Variants in DBT observed in about 807,000 individuals in gnomAD.
DBT encodes the protein dihydrolipoamide branched chain transacylase E2.
A neutral mutation model predicts 51.3 loss-of-function variants in DBT; 40 were observed. That is an observed-to-expected ratio of 0.78 (90% CI 0.61 to 1.02). The LOEUF (loss-of-function observed/expected upper bound fraction) is 1.02, where lower values mean the gene tolerates loss of function less well. Among genes scored for constraint, DBT ranks in the 50% least tolerant of loss-of-function variants. The probability of loss-of-function intolerance (pLI) is 0.00; values close to 1 mark genes in which losing one functional copy is unlikely to be tolerated. For synonymous variants in DBT, 181 were observed against 190.4 expected, an observed-to-expected ratio of 0.95 and a Z score of 0.41; for missense variants, 510 against 580.2, an observed-to-expected ratio of 0.88 and a Z score of 1.24.
intron 4 of DBT, among the ~76,000 whole-genome samples, chr1:100,221,646 A>G (rs1293649371): frequency 6.6e-6 from 1 of 152,168 alleles, no homozygotes; most frequent in Non-Finnish European, 1.5e-5. Context: ...GCCTTTGATG[A>G]TTGATCTTCA....
intron 3 of DBT, among the ~76,000 whole-genome samples, chr1:100,231,789 CA>C (rs1663567876): frequency 6.6e-6 from 1 of 152,052 alleles, no homozygotes; most frequent in East Asian, 1.9e-4. Context: ...TTTTGGAAAT[CA>C]AAAAAAGGCT....
chr1:100,246,346 G>A (rs951531829), intron 1 of DBT, among the ~76,000 whole-genome samples: 2 of 152,190 alleles, frequency 1.3e-5, no homozygotes, highest in East Asian at 1.9e-4. Flanking sequence ...CCAAAGTAGC[G>A]TATTAAGGAA....
intron 9 of DBT, 66 bp downstream of exon 9, chr1:100,206,378 AT>A: frequency 6.4e-7 from 1 of 1,559,648 alleles, no homozygotes; most frequent in Non-Finnish European, 8.8e-7. Context: ...TGACTTTTCT[AT>A]TTTTAATTAA....
In DBT at chr1:100,249,104, G is replaced by A. The variant is rs562212602; in HGVS notation, c.51+666C>T. 19 of 988,416 alleles carry A rather than the reference G, an allele frequency of 1.9e-5. No individual in the cohort carries two copies. In the South Asian group the frequency reaches 7.8e-4, roughly 41 times the overall value. 61.2% of individuals were successfully genotyped at this position (988,416 alleles called of 1,614,324 possible). A position where few individuals can be genotyped will look rare whatever the true frequency, so the allele number is the denominator to read the frequency against. On this transcript the variant is annotated intron_variant, in intron 1 of 10. Coordinates refer to ENST00000370132, the MANE Select transcript of DBT (RefSeq NM_001918.5). ...GGAGCATCTAGGGAAAGGGAGAAGA[G>A]GCAGGAAGAAGAAACACTAAGCAAA...
intron 10 of DBT, among the ~76,000 whole-genome samples, chr1:100,202,662 C>T (rs1211311705): frequency 2.0e-5 from 3 of 152,018 alleles, no homozygotes; most frequent in African/African-American, 7.3e-5. Context: ...ATTCTAAAAT[C>T]GTACACACAA....
chr1:100,216,617 C>G (rs534485934), intron 5 of DBT, among the ~76,000 whole-genome samples: 3 of 152,242 alleles, frequency 2.0e-5, no homozygotes, highest in South Asian at 4.1e-4. Flanking sequence ...TTTAAAATCT[C>G]TTGCATAATT....
At chr1:100,218,582 A>G in intron 5 of DBT, 44 bp downstream of exon 5, 1 of 1,609,680 alleles carries the variant, frequency 6.2e-7, no homozygotes, top group South Asian at 1.1e-5. Flanking sequence ...ATACAAATGT[A>G]CACTTCCTAT....
At chr1:100,203,973 T>C (rs1045304089) in intron 10 of DBT, among the ~76,000 whole-genome samples, 2 of 152,210 alleles carry the variant, frequency 1.3e-5, no homozygotes, top group African/African-American at 4.8e-5. Context: ...GAGCTATTTA[T>C]GATAAACCCA....
At chr1:100,248,105 A>G (rs1664653485) in intron 1 of DBT, among the ~76,000 whole-genome samples, 1 of 151,426 alleles carries the variant, frequency 6.6e-6, no homozygotes, top group South Asian at 2.1e-4. Context: ...CCATTTCAAA[A>G]AAAAAAAAAA....
At chr1:100,215,234 T>C (rs1662411616) in intron 6 of DBT, among the ~76,000 whole-genome samples, 1 of 152,208 alleles carries the variant, frequency 6.6e-6, no homozygotes, top group South Asian at 2.1e-4. Context: ...AATGCTGTGT[T>C]ATATAAAAAA....
At position 100,196,431 on chromosome 1, in the gene DBT, G is replaced by GGAAAAAA; in HGVS notation, c.1282-10_1282-9insTTTTTTC. On this transcript the variant is annotated splice_polypyrimidine_tract_variant and intron_variant, in intron 10 of 10. Coordinates refer to ENST00000370132, the MANE Select transcript of DBT (RefSeq NM_001918.5). The stretch of plus-strand genomic sequence containing the variant: ...TTAAATCGGGGAATGGCCTAGAAAT[G>GGAAAAAA]AAAAAAAAAAAAAAAAAAAAAAAAA... 1 of 647,930 alleles carries GGAAAAAA rather than the reference G, an allele frequency of 1.5e-6. No individual in the cohort carries two copies. Among genetic ancestry groups the GGAAAAAA allele is most frequent in the South Asian group, 2.1e-5 (1 of 47,436 alleles). The allele number at this position is 647,930 out of a possible 1,614,324, so 40.1% of individuals were successfully genotyped here. A position where few individuals can be genotyped will look rare whatever the true frequency, so the allele number is the denominator to read the frequency against.
chr1:100,215,503 T>C (rs1439822607), intron 6 of DBT, among the ~76,000 whole-genome samples: 1 of 152,178 alleles, frequency 6.6e-6, no homozygotes, highest in Non-Finnish European at 1.5e-5. Context: ...AAGTGTTTCC[T>C]GGAAAAGCTA....
chr1:100,200,448 C>A (rs1488038532), intron 10 of DBT, among the ~76,000 whole-genome samples: 2 of 152,202 alleles, frequency 1.3e-5, no homozygotes, highest in African/African-American at 4.8e-5. Flanking sequence ...TGGGACAGAG[C>A]ACCTGGGGGA....
intron 8 of DBT, 57 bp from the exon 9 acceptor site, chr1:100,206,693 A>C: frequency 9.8e-7 from 1 of 1,019,426 alleles, no homozygotes; most frequent in Non-Finnish European, 1.6e-6. Context: ...ACAGCAAAGA[A>C]AGGATCAACC....
intron 6 of DBT, 122 bp downstream of exon 6, chr1:100,215,861 G>T: frequency 1.4e-6 from 1 of 736,140 alleles, no homozygotes; most frequent in Non-Finnish European, 2.4e-6. Flanking sequence ...TATGCTGACT[G>T]AAGTTGAACT....
chr1:100,196,488 G>C lies in DBT; in HGVS notation c.1282-66C>G, dbSNP rs941422861. ...CAAAGAGTAAACCTTCACTTGTTCA[G>C]AGCTCAAGCTCTAACAATGGTGTAA... On this transcript the variant is annotated intron_variant, in intron 10 of 10. Transcript: ENST00000370132. 8.5e-6 allele frequency: 13 copies of C among 1,532,372 alleles called. No individual in the cohort carries two copies. The African/African-American group carries it at 1.8e-4, about 21-fold the overall frequency. The allele number at this position is 1,532,372 out of a possible 1,614,324, so 94.9% of individuals were successfully genotyped here. A position where few individuals can be genotyped will look rare whatever the true frequency, so the allele number is the denominator to read the frequency against.
At chr1:100,232,441 C>T (rs1001013067) in intron 3 of DBT, among the ~76,000 whole-genome samples, 1 of 152,014 alleles carries the variant, frequency 6.6e-6, no homozygotes, top group African/African-American at 2.4e-5. Context: ...CACCTGGCCA[C>T]ATCTGTATTT....
At chr1:100,204,638 C>G (rs553380954) in intron 10 of DBT, among the ~76,000 whole-genome samples, 2 of 152,100 alleles carry the variant, frequency 1.3e-5, no homozygotes, top group South Asian at 2.1e-4. Flanking sequence ...AAAAAGCCCA[C>G]ATAGCCAAGA....
At chr1:100,219,763 A>C (rs762650925) in intron 4 of DBT, among the ~76,000 whole-genome samples, 4 of 152,182 alleles carry the variant, frequency 2.6e-5, no homozygotes, top group Non-Finnish European at 4.4e-5. Flanking sequence ...AAAACCGCAC[A>C]AGAATCATAT....
Sources: allele counts gnomAD v4.1 joint callset (sites outside exome capture counted in the v4.1 genomes callset), GRCh38; gene constraint gnomAD v4.1.1; transcripts MANE v1.5; gene names NCBI Gene and HGNC (gene_info 2026-07-23, HGNC 2026-07-21).